Variants in PCDHA3 observed in about 807,000 individuals in gnomAD.
PCDHA3 encodes the protein protocadherin alpha-3.
A neutral mutation model predicts 62.2 loss-of-function variants in PCDHA3; 41 were observed. The ratio of observed to expected loss-of-function variants is 0.66; its 90% CI spans 0.51 to 0.86. PCDHA3 has a LOEUF of 0.86. PCDHA3 is among the 40% of genes least tolerant of loss of function. PCDHA3 has a pLI of 0.00. For synonymous variants in PCDHA3, 640 were observed against 555.4 expected (o/e 1.15, Z -2.14); for missense variants, 1,304 against 1,241.2 (o/e 1.05, Z -0.76).
chr5:140,966,946 C>G (rs377699694), intron 1 of PCDHA3: 3 of 1,603,368 alleles, frequency 1.9e-6, no homozygotes, highest in African/African-American at 2.7e-5. Context: ...TCGTGGGCAA[C>G]GTGGCTCGCG....
At chr5:140,803,842 A>G (rs1293564030) in intron 1 of PCDHA3, 6 of 602,420 alleles carry the variant, frequency 1.0e-5, no homozygotes, top group Non-Finnish European at 1.7e-5. Context: ...GAATTATTTT[A>G]TTGCTAAATG....
chr5:140,884,709 C>T (rs2060331114), intron 1 of PCDHA3: 1 of 1,477,632 alleles, frequency 6.8e-7, no homozygotes. Context: ...CTTTAGCCTT[C>T]CTTGCAGTTG....
intron 1 of PCDHA3, chr5:140,861,770 C>T (rs2047074115): frequency 6.2e-6 from 1 of 161,486 alleles, no homozygotes; most frequent in African/African-American, 2.4e-5. Flanking sequence ...CCTGGAAATA[C>T]CAAGAGCAGG....
intron 1 of PCDHA3, among the ~76,000 whole-genome samples, chr5:140,821,030 C>T (rs2150108519): frequency 6.6e-6 from 1 of 151,546 alleles, no homozygotes; most frequent in Admixed American, 6.6e-5. Context: ...ATTAGAACTC[C>T]GAGAAGAAAC....
At chr5:140,945,034 C>T (rs1218648203) in intron 1 of PCDHA3, among the ~76,000 whole-genome samples, 1 of 152,066 alleles carries the variant, frequency 6.6e-6, no homozygotes, top group East Asian at 1.9e-4. Flanking sequence ...ACATAATTAT[C>T]TTTGGTCTTA....
chr5:140,991,707 A>G (rs1436655429), intron 3 of PCDHA3, among the ~76,000 whole-genome samples: 1 of 152,158 alleles, frequency 6.6e-6, no homozygotes, highest in Non-Finnish European at 1.5e-5. Flanking sequence ...TAATATGCAT[A>G]TTGCTACTAG....
chr5:140,867,479 A>G (rs1308433664), intron 1 of PCDHA3: 1 of 152,158 alleles, frequency 6.6e-6, no homozygotes, highest in Non-Finnish European at 1.5e-5. Context: ...TTGGGAAAAG[A>G]GTAAATATGA....
At chr5:140,836,779 AT>A (rs2150269832) in intron 1 of PCDHA3, 6 of 1,482,480 alleles carry the variant, frequency 4.0e-6, no homozygotes, top group Non-Finnish European at 5.5e-6. Context: ...TTTTAAAACA[AT>A]TAGTTCAATT....
At chr5:140,824,339 T>C in intron 1 of PCDHA3, 1 of 614,882 alleles carries the variant, frequency 1.6e-6, no homozygotes, top group Non-Finnish European at 2.8e-6. Context: ...ATTAAGTGTT[T>C]TTAAAATAAT....
intron 1 of PCDHA3, chr5:140,877,121 C>T (rs782727100): frequency 6.2e-7 from 1 of 1,613,694 alleles, no homozygotes; most frequent in Non-Finnish European, 8.5e-7. Context: ...AGCAACGTGA[C>T]GCTGCAGGTG....
intron 1 of PCDHA3, chr5:140,808,979 G>A: frequency 2.5e-6 from 4 of 1,613,674 alleles, no homozygotes; most frequent in Non-Finnish European, 3.4e-6. Context: ...GCGCGCGGTG[G>A]ATGCTGACTC....
At chr5:140,937,328 C>T (rs191377007) in intron 1 of PCDHA3, among the ~76,000 whole-genome samples, 9 of 152,066 alleles carry the variant, frequency 5.9e-5, no homozygotes, top group Admixed American at 5.2e-4. Context: ...TGAGCCACCG[C>T]GCCCGGCTTC....
At chr5:140,883,329 C>T (rs1554177701) in intron 1 of PCDHA3, 1 of 1,614,166 alleles carries the variant, frequency 6.2e-7, no homozygotes. Context: ...ACCATCACTT[C>T]TTTGTCACTC....
intron 1 of PCDHA3, chr5:140,968,774 C>G: frequency 6.2e-7 from 1 of 1,614,206 alleles, no homozygotes; most frequent in Non-Finnish European, 8.5e-7. Flanking sequence ...AGAGCCATCA[C>G]TATCAGCCTC....
At chr5:140,863,278 G>A (rs1554158055) in intron 1 of PCDHA3, 3 of 1,461,976 alleles carry the variant, frequency 2.1e-6, no homozygotes, top group South Asian at 1.1e-5. Flanking sequence ...GCTGGTGGAT[G>A]TCAACGTGTA....
chr5:140,971,999 A>G (rs543282950), intron 1 of PCDHA3, among the ~76,000 whole-genome samples: 18 of 152,302 alleles, frequency 1.2e-4, no homozygotes, highest in African/African-American at 3.8e-4. Flanking sequence ...TCCAATGTTT[A>G]TATTCCCTTT....
chr5:140,860,366 G>A (rs2046359217), intron 1 of PCDHA3: 1 of 152,102 alleles, frequency 6.6e-6, no homozygotes, highest in African/African-American at 2.4e-5. Flanking sequence ...GGATGACAAA[G>A]TGAGACCCTA....
intron 1 of PCDHA3, chr5:140,877,662 C>A (rs1176424464): frequency 1.9e-6 from 3 of 1,613,440 alleles, no homozygotes; most frequent in East Asian, 2.2e-5. Context: ...CCACCGTGAG[C>A]CGGTGCGCGC....
At chr5:140,868,451 C>T (rs917526467) in intron 1 of PCDHA3, 1 of 152,302 alleles carries the variant, frequency 6.6e-6, no homozygotes, top group African/African-American at 2.4e-5. Flanking sequence ...AACATAAACA[C>T]TAAAGAGCTG....
Sources: gnomAD v4.1 joint callset for allele counts (sites outside exome capture counted in the v4.1 genomes callset) on GRCh38, gnomAD v4.1.1 for gene constraint, MANE v1.5 for transcripts, NCBI Gene and HGNC (gene_info 2026-07-23, HGNC 2026-07-21) for gene names.